The following ACER2 variants were observed in gnomAD, a reference collection of about 807,000 sequenced individuals.
ACER2 encodes the protein alkaline ceramidase 2.
ACER2 carries 26 observed loss-of-function variants against 34.7 expected under a neutral mutation model. The observed-to-expected ratio is 0.75, with a 90% CI of 0.55 to 1.04. The LOEUF is 1.04. Ranked by LOEUF, ACER2 falls within the 50% of genes least tolerant of loss-of-function variation. The probability of loss-of-function intolerance (pLI) is 0.00; values close to 1 mark genes in which losing one functional copy is unlikely to be tolerated. For missense variants in ACER2, 352 were observed against 340.8 expected (o/e 1.03, Z -0.26); for synonymous variants, 138 against 132.1 (o/e 1.04, Z -0.31).
chr9:19,428,713 C>T (rs1286063143), intron 3 of ACER2, among the ~76,000 whole-genome samples: 1 of 148,852 alleles, frequency 6.7e-6, no homozygotes, highest in Non-Finnish European at 1.5e-5. Flanking sequence ...AGTACAATGG[C>T]TCACACAGAG....
intron 1 of ACER2, among the ~76,000 whole-genome samples, chr9:19,412,727 A>G (rs1300210027): frequency 6.6e-6 from 1 of 150,778 alleles, no homozygotes; most frequent in African/African-American, 2.4e-5. Flanking sequence ...CCAAGATGGT[A>G]CTGTGTAAAC....
chr9:19,427,577 C>G (rs1830607068), intron 3 of ACER2, among the ~76,000 whole-genome samples: 1 of 152,086 alleles, frequency 6.6e-6, no homozygotes, highest in African/African-American at 2.4e-5. Context: ...CCTGAACTTA[C>G]CAAATAGTAA....
At chr9:19,419,250 T>G (rs1249514906) in intron 1 of ACER2, among the ~76,000 whole-genome samples, 1 of 152,206 alleles carries the variant, frequency 6.6e-6, no homozygotes, top group African/African-American at 2.4e-5. Context: ...ATCCTTGTCC[T>G]GATTCCTCCA....
intron 1 of ACER2, among the ~76,000 whole-genome samples, chr9:19,420,541 G>T (rs1327753675): frequency 6.6e-6 from 1 of 152,196 alleles, no homozygotes; most frequent in Non-Finnish European, 1.5e-5. Context: ...TGTTGGCAAG[G>T]ATGTGAGAAA....
At chr9:19,436,520 C>T (rs1432131737) in intron 4 of ACER2, among the ~76,000 whole-genome samples, 1 of 150,128 alleles carries the variant, frequency 6.7e-6, no homozygotes. Context: ...TTCTTACAGC[C>T]TTTTTTATTC....
At chr9:19,414,210 C>G (rs1452288856) in intron 1 of ACER2, among the ~76,000 whole-genome samples, 1 of 152,166 alleles carries the variant, frequency 6.6e-6, no homozygotes, top group Non-Finnish European at 1.5e-5. Context: ...TTGGTCATCC[C>G]AGGGGCAGAA....
At chr9:19,449,003 G>A (rs1831472888) in intron 5 of ACER2, among the ~76,000 whole-genome samples, 1 of 152,152 alleles carries the variant, frequency 6.6e-6, no homozygotes, top group Non-Finnish European at 1.5e-5. Flanking sequence ...AGCCGGATGT[G>A]CATGTAGTCC....
intron 3 of ACER2, among the ~76,000 whole-genome samples, chr9:19,434,377 C>G (rs1268216766): frequency 6.6e-6 from 1 of 152,154 alleles, no homozygotes; most frequent in Non-Finnish European, 1.5e-5. Flanking sequence ...GGGTGGCGGC[C>G]GGGCAGAGGC....
Position 19,435,831 on chromosome 9 carries a change from C to T in ACER2, c.503+747C>T, listed in dbSNP as rs182891317. 5.0e-3 allele frequency among the ~76,000 whole-genome samples: 758 copies of T among 151,684 alleles called. 9 individuals are homozygous for T. The highest frequency in any genetic ancestry group is 0.018 in the African/African-American group (733 of 41,328). On this transcript the variant is annotated intron_variant, in intron 4 of 5. Coordinates refer to ENST00000340967, the MANE Select transcript of ACER2 (RefSeq NM_001010887.3). ...TTGGGAGGCCGAGGAGGGCGGATCA[C>T]GAGGTCAGGAGATGGAGACCATCCT...
At chr9:19,446,482 G>C in intron 5 of ACER2, 64 bp downstream of exon 5, 3 of 1,607,402 alleles carry the variant, frequency 1.9e-6, no homozygotes, top group South Asian at 2.2e-5. Context: ...GTTGGGCTCT[G>C]TTCACCCTGC....
At chr9:19,434,254 T>A (rs1403107497) in intron 3 of ACER2, among the ~76,000 whole-genome samples, 1 of 148,792 alleles carries the variant, frequency 6.7e-6, no homozygotes, top group African/African-American at 2.5e-5. Context: ...CCAGATGGAA[T>A]GGCAGCCGGG....
At chr9:19,441,626 A>T (rs1320046532) in intron 4 of ACER2, among the ~76,000 whole-genome samples, 1 of 152,016 alleles carries the variant, frequency 6.6e-6, no homozygotes, top group East Asian at 1.9e-4. Flanking sequence ...CTGTTCCAGG[A>T]CCCTGAACTT....
chr9:19,422,585 T>A (rs1460732707), intron 1 of ACER2, among the ~76,000 whole-genome samples: 2 of 151,980 alleles, frequency 1.3e-5, no homozygotes, highest in Non-Finnish European at 2.9e-5. Flanking sequence ...AGGGGGAAAC[T>A]AGAAAGAGTC....
At chr9:19,429,106 G>A (rs908624635) in intron 3 of ACER2, among the ~76,000 whole-genome samples, 2 of 151,570 alleles carry the variant, frequency 1.3e-5, no homozygotes, top group African/African-American at 2.4e-5. Context: ...TTATTGATAT[G>A]TAATAGTTGT....
At chr9:19,444,477 C>T (rs1831280097) in intron 4 of ACER2, among the ~76,000 whole-genome samples, 1 of 152,192 alleles carries the variant, frequency 6.6e-6, no homozygotes, top group African/African-American at 2.4e-5. Context: ...TCCCAAAGTG[C>T]TGGAATTACA....
chr9:19,423,750 A>G (rs1830478372), intron 1 of ACER2, 112 bp from the exon 2 acceptor site: 4 of 784,192 alleles, frequency 5.1e-6, no homozygotes, highest in Non-Finnish European at 4.5e-6. Context: ...CTTAAACGAG[A>G]TGTGTGACCA....
intron 4 of ACER2, among the ~76,000 whole-genome samples, chr9:19,445,608 G>A (rs1223199405): frequency 6.6e-6 from 1 of 152,218 alleles, no homozygotes; most frequent in Non-Finnish European, 1.5e-5. Flanking sequence ...AGGCAAGAGG[G>A]CACAGTGAGT....
chr9:19,436,514 T>A (rs1830982391), intron 4 of ACER2, among the ~76,000 whole-genome samples: 1 of 151,974 alleles, frequency 6.6e-6, no homozygotes, highest in South Asian at 2.1e-4. Context: ...TGTATCTTCT[T>A]ACAGCCTTTT....
chr9:19,440,446 C>T (rs903140946), intron 4 of ACER2, among the ~76,000 whole-genome samples: 1 of 152,184 alleles, frequency 6.6e-6, no homozygotes. Flanking sequence ...GGGGTAGAGC[C>T]CTCCTACATG....
Sources: allele counts gnomAD v4.1 joint callset (sites outside exome capture counted in the v4.1 genomes callset), GRCh38; gene constraint gnomAD v4.1.1; transcripts MANE v1.5; gene names NCBI Gene and HGNC (gene_info 2026-07-23, HGNC 2026-07-21).